GIN1: variants seen among roughly 807,000 people sequenced by gnomAD.
GIN1 encodes the protein gypsy retrotransposon integrase-like protein 1.
A neutral mutation model predicts 51.4 loss-of-function variants in GIN1; 41 were observed. The ratio of observed to expected loss-of-function variants is 0.80; its 90% CI spans 0.62 to 1.04. The LOEUF is 1.04. Ranked by LOEUF, GIN1 falls within the 50% of genes least tolerant of loss-of-function variation. The pLI, the probability that GIN1 is intolerant of heterozygous loss-of-function variation, is 0.00. For synonymous variants in GIN1, 222 were observed against 206.5 expected (o/e 1.07, Z -0.64); for missense variants, 610 against 612.4 (o/e 1.00, Z 0.04).
intron 7 of GIN1, among the ~76,000 whole-genome samples, chr5:103,088,762 C>G (rs1471628026): frequency 6.6e-6 from 1 of 151,922 alleles, no homozygotes; most frequent in Non-Finnish European, 1.5e-5. Flanking sequence ...CCACTGCACT[C>G]CAGCATGGGT....
chr5:103,097,847 A>G, intron 4 of GIN1, 66 bp from the exon 5 acceptor site: 1 of 673,820 alleles, frequency 1.5e-6, no homozygotes. Context: ...TTGACTTAAA[A>G]AAAAGCTTCA....
chr5:103,091,784 G>C (rs529724606), intron 7 of GIN1, among the ~76,000 whole-genome samples: 8 of 152,074 alleles, frequency 5.3e-5, no homozygotes, highest in Admixed American at 6.5e-5. Context: ...CAGTACTTTG[G>C]GAGGCCAAGG....
intron 1 of GIN1, among the ~76,000 whole-genome samples, chr5:103,119,659 C>G (rs148580071): frequency 6.6e-6 from 1 of 152,236 alleles, no homozygotes; most frequent in Non-Finnish European, 1.5e-5. Flanking sequence ...AATGACTGAT[C>G]AAAGTAATGG....
intron 3 of GIN1, among the ~76,000 whole-genome samples, chr5:103,106,080 C>T (rs1787715753): frequency 6.6e-6 from 1 of 152,034 alleles, no homozygotes; most frequent in Non-Finnish European, 1.5e-5. Flanking sequence ...CACAGATATA[C>T]CAAGGAATTC....
chr5:103,093,722 C>G (rs1363177), intron 7 of GIN1, among the ~76,000 whole-genome samples: 7,009 of 152,178 alleles, frequency 0.046, 539 homozygotes, highest in African/African-American at 0.16. Context: ...AAATTCAAAA[C>G]TGTGCAAAAT....
intron 7 of GIN1, among the ~76,000 whole-genome samples, chr5:103,093,892 T>C (rs941862097): frequency 6.6e-6 from 1 of 152,104 alleles, no homozygotes; most frequent in African/African-American, 2.4e-5. Flanking sequence ...ATGAAAAATA[T>C]TGTATACCTA....
At position 103,106,818 on chromosome 5, in the gene GIN1, G is replaced by A. The variant is rs782129439; in HGVS notation, c.231C>T (p.Cys77=). The A allele has an allele frequency of 3.7e-6, 6 of 1,600,786 alleles. No individual in the cohort carries two copies. The highest frequency in any genetic ancestry group is 5.1e-6 in the Non-Finnish European group (6 of 1,170,542). The change falls in exon 3 of 8, where the codon TGC becomes TGT. Residue 77 remains cysteine, a synonymous_variant. Coordinates refer to ENST00000399004, the MANE Select transcript of GIN1 (RefSeq NM_017676.2). ...EEEKKKVLRE[C]HENDSGAHHG... is the part of the protein sequence containing the mutation. ...GATGAGCTCCACTGTCATTTTCATG[G>A]CATTCTCTTAAGACTTTCTTTTTTT... is the stretch of plus-strand genomic sequence containing the variant.
intron 4 of GIN1, among the ~76,000 whole-genome samples, chr5:103,099,562 A>G (rs1274605177): frequency 6.6e-6 from 1 of 152,028 alleles, no homozygotes; most frequent in Non-Finnish European, 1.5e-5. Flanking sequence ...GTTTGAAATG[A>G]CCCTTGAAAA....
At chr5:103,091,304 GA>G (rs1787231130) in intron 7 of GIN1, among the ~76,000 whole-genome samples, 1 of 152,064 alleles carries the variant, frequency 6.6e-6, no homozygotes, top group Admixed American at 6.5e-5. Flanking sequence ...GTGGCTATTA[GA>G]AAATTTTAAA....
At chr5:103,117,581 T>TACACACACACACACACACACACACACAC (rs3836841) in intron 1 of GIN1, among the ~76,000 whole-genome samples, 2 of 149,382 alleles carry the variant, frequency 1.3e-5, no homozygotes, top group Non-Finnish European at 3.0e-5. Flanking sequence ...GAAAAAAATA[T>TACACACACACACACACACACACACACAC]ACACACACAC....
intron 4 of GIN1, among the ~76,000 whole-genome samples, chr5:103,098,155 A>G (rs897848064): frequency 1.3e-5 from 2 of 152,220 alleles, no homozygotes; most frequent in African/African-American, 4.8e-5. Flanking sequence ...TGCTGGGATT[A>G]CAGGCATGAG....
At chr5:103,101,144 C>T (rs1787563203) in intron 4 of GIN1, among the ~76,000 whole-genome samples, 1 of 152,194 alleles carries the variant, frequency 6.6e-6, no homozygotes, top group African/African-American at 2.4e-5. Context: ...ACTACTCTTG[C>T]ACTTTGGGGG....
chr5:103,115,053 C>A (rs570687085), intron 1 of GIN1, among the ~76,000 whole-genome samples: 23 of 152,198 alleles, frequency 1.5e-4, no homozygotes, highest in African/African-American at 5.5e-4. Context: ...GCTATAAAGG[C>A]AAGGAGCTAC....
In GIN1 at chr5:103,106,906, T is replaced by C. The variant is rs782614596; in HGVS notation, c.143A>G (p.Lys48Arg). Residue 48 changes from lysine (K) to arginine (R), a missense_variant, in exon 3 of 8, where the codon AAA (lysine) becomes AGA (arginine). Lys to Arg is a conservative substitution (Grantham distance 26). Transcript: ENST00000399004. Reference protein sequence around the residue: ...RAAKKFVFKEKKLFYVGKDRK... With the variant: ...RAAKKFVFKERKLFYVGKDRK... ...GTCTTTTCCAACATAAAACAGCTTTTTTTCTGGAATAAATGATACCAAAAG... is the reference window on the plus strand; with the variant it reads ...GTCTTTTCCAACATAAAACAGCTTTCTTTCTGGAATAAATGATACCAAAAG... 3.3e-6 allele frequency: 5 copies of C among 1,536,294 alleles called. No homozygotes were observed. The highest frequency in any genetic ancestry group is 3.5e-6 in the Non-Finnish European group (4 of 1,134,316).
intron 7 of GIN1, among the ~76,000 whole-genome samples, chr5:103,096,053 T>C (rs1554194983): frequency 6.6e-6 from 1 of 151,904 alleles, no homozygotes; most frequent in Non-Finnish European, 1.5e-5. Flanking sequence ...GAAATAAAAA[T>C]AAAAATGCCC....
At chr5:103,100,560 TA>T (rs772930986) in intron 4 of GIN1, among the ~76,000 whole-genome samples, 33 of 151,014 alleles carry the variant, frequency 2.2e-4, no homozygotes, top group Non-Finnish European at 2.2e-4. Context: ...TCCAGTTAAT[TA>T]AAAATTTTTT....
intron 1 of GIN1, among the ~76,000 whole-genome samples, chr5:103,114,397 G>C (rs1190107024): frequency 6.6e-6 from 1 of 152,198 alleles, no homozygotes; most frequent in Non-Finnish European, 1.5e-5. Flanking sequence ...AACTGTAACT[G>C]ACTAGATGTG....
At chr5:103,095,506 A>G (rs1325032869) in intron 7 of GIN1, among the ~76,000 whole-genome samples, 1 of 152,216 alleles carries the variant, frequency 6.6e-6, no homozygotes, top group Non-Finnish European at 1.5e-5. Context: ...ATTAAAAATT[A>G]ATGTCATTTT....
chr5:103,118,320 T>C (rs1159674047), intron 1 of GIN1, among the ~76,000 whole-genome samples: 1 of 151,838 alleles, frequency 6.6e-6, no homozygotes, highest in Admixed American at 6.6e-5. Context: ...ATTACGAGGA[T>C]GATTAAAAGT....
Sources: allele counts gnomAD v4.1 joint callset (sites outside exome capture counted in the v4.1 genomes callset), GRCh38; gene constraint gnomAD v4.1.1; transcripts MANE v1.5; gene names NCBI Gene and HGNC (gene_info 2026-07-23, HGNC 2026-07-21).